Variants in PLCZ1 observed in about 807,000 individuals in gnomAD.
The protein encoded by PLCZ1 is phospholipase C zeta 1.
PLCZ1 carries 64 observed loss-of-function variants against 76.8 expected under a neutral mutation model. The ratio of observed to expected loss-of-function variants is 0.83; its 90% CI spans 0.68 to 1.03. The LOEUF (loss-of-function observed/expected upper bound fraction) is 1.03, where lower values mean the gene tolerates loss of function less well. Among genes scored for constraint, PLCZ1 ranks in the 50% least tolerant of loss-of-function variants. The pLI is 0.00. For synonymous variants in PLCZ1, 248 were observed against 230.8 expected (o/e 1.07, Z -0.68); for missense variants, 751 against 713.7 (o/e 1.05, Z -0.60).
chr12:18,663,820 T>C, the PLCZ1 span, among the ~76,000 whole-genome samples: 15 of 152,170 alleles, frequency 9.9e-5, no homozygotes, highest in African/African-American at 3.6e-4. Flanking sequence ...ATATACAAAA[T>C]GGAAGAAAAT....
At chr12:18,667,009 G>A in the PLCZ1 span, among the ~76,000 whole-genome samples, 3 of 152,208 alleles carry the variant, frequency 2.0e-5, no homozygotes, top group South Asian at 2.1e-4. Context: ...TAAAAATACC[G>A]TTTCTCAATA....
At chr12:18,648,612 T>C in the PLCZ1 span, among the ~76,000 whole-genome samples, 1 of 152,116 alleles carries the variant, frequency 6.6e-6, no homozygotes, top group Non-Finnish European at 1.5e-5. Flanking sequence ...TTTCACCCTC[T>C]TCACCACCAA....
the PLCZ1 span, among the ~76,000 whole-genome samples, chr12:18,665,611 A>G: frequency 6.6e-6 from 1 of 152,068 alleles, no homozygotes; most frequent in Non-Finnish European, 1.5e-5. Flanking sequence ...TGACCAACAT[A>G]GTGAAACCCT....
intron 12 of PLCZ1, chr12:18,693,236 C>T: frequency 6.4e-7 from 1 of 1,555,300 alleles, no homozygotes; most frequent in Non-Finnish European, 8.9e-7. Context: ...TCAGGCTCAA[C>T]CACAAGGTGC....
chr12:18,717,978 G>C (rs144054060), intron 5 of PLCZ1, among the ~76,000 whole-genome samples: 6 of 152,234 alleles, frequency 3.9e-5, no homozygotes, highest in Admixed American at 6.5e-5. Flanking sequence ...GTGAGCTACA[G>C]ATCCCACTCA....
the PLCZ1 span, among the ~76,000 whole-genome samples, chr12:18,667,342 A>G: frequency 6.6e-6 from 1 of 152,194 alleles, no homozygotes; most frequent in African/African-American, 2.4e-5. Flanking sequence ...GTTAACAGTC[A>G]TCAACTTTTA....
chr12:18,676,035 GA>G, the PLCZ1 span, among the ~76,000 whole-genome samples: 5 of 151,754 alleles, frequency 3.3e-5, no homozygotes, highest in Admixed American at 6.6e-5. Flanking sequence ...TGAAAGAAAG[GA>G]AAAAAAATTA....
intron 13 of PLCZ1, among the ~76,000 whole-genome samples, chr12:18,686,485 T>G (rs1294367456): frequency 6.6e-6 from 1 of 151,518 alleles, no homozygotes; most frequent in Middle Eastern, 3.4e-3. Context: ...CATGTTTAAA[T>G]TGTGTTTTCT....
chr12:18,649,505 T>G, the PLCZ1 span, among the ~76,000 whole-genome samples: 1 of 152,104 alleles, frequency 6.6e-6, no homozygotes, highest in Non-Finnish European at 1.5e-5. Flanking sequence ...CATCAAAAAA[T>G]TAAAACTTTC....
At chr12:18,693,156 G>T in intron 12 of PLCZ1, 2 of 1,536,806 alleles carry the variant, frequency 1.3e-6, no homozygotes. Context: ...GTCTACATCT[G>T]TGGGCTCAGA....
intron 13 of PLCZ1, among the ~76,000 whole-genome samples, chr12:18,685,894 A>C (rs200624683): frequency 1.2e-5 from 1 of 81,960 alleles, no homozygotes; most frequent in Non-Finnish European, 3.0e-5. Flanking sequence ...ATTAATTATA[A>C]GAGAAAGCCC....
chr12:18,728,783 A>G (rs1038716061), intron 3 of PLCZ1, among the ~76,000 whole-genome samples: 2 of 152,170 alleles, frequency 1.3e-5, no homozygotes, highest in Admixed American at 1.3e-4. Context: ...AAGAAATGTA[A>G]AGGATTCTTT....
intron 12 of PLCZ1, among the ~76,000 whole-genome samples, chr12:18,690,752 T>C (rs1427400707): frequency 6.6e-6 from 1 of 151,900 alleles, no homozygotes; most frequent in Non-Finnish European, 1.5e-5. Context: ...AATAGGCAGG[T>C]AAGGCTGAAA....
intron 12 of PLCZ1, 119 bp from the exon 13 acceptor site, chr12:18,688,337 C>CA: frequency 9.7e-7 from 1 of 1,029,640 alleles, no homozygotes; most frequent in Non-Finnish European, 1.4e-6. Context: ...CTCCCACAAA[C>CA]ATTGAAAGTG....
intron 12 of PLCZ1, 23 bp downstream of exon 12, chr12:18,694,886 TA>T (rs1565668051): frequency 1.3e-6 from 2 of 1,540,784 alleles, no homozygotes; most frequent in Non-Finnish European, 1.8e-6. Flanking sequence ...CCAAAAAATG[TA>T]AAAGAAAATT....
downstream of PLCZ1, among the ~76,000 whole-genome samples, chr12:18,682,195 A>T (rs1211693854): frequency 6.6e-6 from 1 of 152,118 alleles, no homozygotes; most frequent in African/African-American, 2.4e-5. Context: ...TTGAATTCTC[A>T]GTGATACGTT....
rs147825764 is a variant in PLCZ1, at chr12:18,698,394, C to T, written c.1174+1400G>A. Reference sequence around the variant, plus strand: ...CTACTGAATTGATTTTTGGTTACAACACACAGGTTAAAAAAGGAAAAGAGC... The same window carrying T: ...CTACTGAATTGATTTTTGGTTACAATACACAGGTTAAAAAAGGAAAAGAGC... On this transcript the variant is annotated intron_variant, in intron 10 of 14. Coordinates refer to ENST00000266505, the MANE Select transcript of PLCZ1 (RefSeq NM_033123.4). Among the ~76,000 whole-genome samples, 1,064 of 151,968 alleles carry T rather than the reference C, an allele frequency of 7.0e-3. 12 individuals carry two copies. Among genetic ancestry groups the T allele is most frequent in the African/African-American group, 0.025 (1,033 of 41,434 alleles).
At position 18,684,752 on chromosome 12, in the gene PLCZ1, G is replaced by C. The variant is rs139437035; in HGVS notation, c.1592-473C>G. ...CATCATTTTTCTATACTAAGTCCTT[G>C]ATATGGTTAAGCTTTGTGCCCCCAC... On this transcript the variant is annotated intron_variant, in intron 13 of 14. Transcript: ENST00000266505. 1.8e-4 allele frequency among the ~76,000 whole-genome samples: 28 copies of C among 152,138 alleles called. No homozygotes were observed. In the East Asian group the frequency reaches 3.7e-3, roughly 20 times the overall value.
At chr12:18,669,921 G>A in the PLCZ1 span, among the ~76,000 whole-genome samples, 1 of 151,986 alleles carries the variant, frequency 6.6e-6, no homozygotes, top group Non-Finnish European at 1.5e-5. Flanking sequence ...CGCCCACCTG[G>A]CCTCCCAAAG....
Sources: gnomAD v4.1 joint callset for allele counts (sites outside exome capture counted in the v4.1 genomes callset) on GRCh38, gnomAD v4.1.1 for gene constraint, MANE v1.5 for transcripts, NCBI Gene and HGNC (gene_info 2026-07-23, HGNC 2026-07-21) for gene names.